The following CNNM3 variants were observed in gnomAD, a reference collection of about 807,000 sequenced individuals.
The protein encoded by CNNM3 is metal transporter CNNM3.
CNNM3 carries 47 observed loss-of-function variants against 57.1 expected under a neutral mutation model. The observed-to-expected ratio is 0.82, with a 90% CI of 0.65 to 1.05. The LOEUF is 1.05. CNNM3 is among the 50% of genes least tolerant of loss of function. The pLI, the probability that CNNM3 is intolerant of heterozygous loss-of-function variation, is 0.00. For missense variants in CNNM3, 957 were observed against 973.7 expected (o/e 0.98, Z 0.23); for synonymous variants, 507 against 478.2 (o/e 1.06, Z -0.79).
rs2079634388 is a variant in CNNM3 at position 96,833,137 on chromosome 2, C to T, written c.*521C>T. 3.0e-6 allele frequency: 2 copies of T among 659,214 alleles called. No homozygotes were observed. The highest frequency in any genetic ancestry group is 3.3e-5 in the South Asian group (2 of 60,318). The allele number at this position is 659,214 out of a possible 1,614,324, so 40.8% of individuals were successfully genotyped here. ...TTGTCCATGTTGTCCTTTCTGGCTT[C>T]CCTGATGGTGTCATGTTTCAGCGCA... On this transcript the variant is annotated 3_prime_UTR_variant, in exon 8 of 8. Coordinates refer to ENST00000305510, the MANE Select transcript of CNNM3 (RefSeq NM_017623.5).
chr2:96,819,612 AG>A (rs1045365138), intron 1 of CNNM3, among the ~76,000 whole-genome samples: 1 of 151,966 alleles, frequency 6.6e-6, no homozygotes, highest in African/African-American at 2.4e-5. Context: ...CCTTTTTTTT[AG>A]GGAAAAAGTG....
chr2:96,823,849 G>A (rs1046128441), intron 1 of CNNM3, among the ~76,000 whole-genome samples: 18 of 152,274 alleles, frequency 1.2e-4, no homozygotes, highest in South Asian at 6.2e-4. Context: ...CGCCCAGGCC[G>A]GCAGCCCCCT....
chr2:96,828,822 T>G (rs2079554602), intron 6 of CNNM3, 122 bp downstream of exon 6: 1 of 1,488,374 alleles, frequency 6.7e-7, no homozygotes, highest in Non-Finnish European at 9.2e-7. Context: ...GACACAGACC[T>G]TTGCACCCAG....
rs1264058724 is a variant in CNNM3 at position 96,832,849 on chromosome 2, C to T, written c.*233C>T. ...AGTCACCAGGGCACAGCCCTCCAGG[C>T]CCGCCTCAGGAAGGAATGAAAGGAA... On this transcript the variant is annotated 3_prime_UTR_variant, in exon 8 of 8. Coordinates refer to ENST00000305510, the MANE Select transcript of CNNM3 (RefSeq NM_017623.5). 6.6e-7 allele frequency: 1 copy of T among 1,510,902 alleles called. No individual in the cohort carries two copies. Among genetic ancestry groups the T allele is most frequent in the Non-Finnish European group, 8.8e-7 (1 of 1,131,372 alleles). The allele number at this position is 1,510,902 out of a possible 1,614,324, so 93.6% of individuals were successfully genotyped here.
downstream of CNNM3, among the ~76,000 whole-genome samples, chr2:96,835,850 A>G (rs182419176): frequency 5.9e-5 from 9 of 152,126 alleles, no homozygotes; most frequent in Admixed American, 2.0e-4. Flanking sequence ...TGGTGTCCAC[A>G]TGTTTTTACT....
rs1201224798 is a variant in CNNM3 at position 96,827,621 on chromosome 2, C to T, written c.1520-110C>T. 2.3e-5 allele frequency: 26 copies of T among 1,142,526 alleles called. No individual in the cohort carries two copies. In the Middle Eastern group the frequency reaches 8.7e-4, roughly 38 times the overall value. The allele number at this position is 1,142,526 out of a possible 1,614,324, so 70.8% of individuals were successfully genotyped here. Reference sequence around the variant, plus strand: ...TAGGGGCAGCTGCTCACAGGCCACCCGGGAGATCCCTGGTGGGCACAATAA... The same window carrying T: ...TAGGGGCAGCTGCTCACAGGCCACCTGGGAGATCCCTGGTGGGCACAATAA... On this transcript the variant is annotated intron_variant, in intron 3 of 7. Coordinates refer to ENST00000305510, the MANE Select transcript of CNNM3 (RefSeq NM_017623.5).
Position 96,832,910 on chromosome 2 carries a change from C to G in CNNM3, c.*294C>G, listed in dbSNP as rs1351573486. 4.8e-6 allele frequency: 7 copies of G among 1,449,874 alleles called. No individual in the cohort carries two copies. The Admixed American group carries it at 1.5e-4, about 30-fold the overall frequency. 89.8% of individuals were successfully genotyped at this position (1,449,874 alleles called of 1,614,324 possible). A position where few individuals can be genotyped will look rare whatever the true frequency, so the allele number is the denominator to read the frequency against. ...TCTAGTTCCCAGGGCCCAGCCTTCC[C>G]CTTCTCCCCCGGGGCAGGGACAGTG... is the stretch of plus-strand genomic sequence containing the variant. On this transcript the variant is annotated 3_prime_UTR_variant, in exon 8 of 8. Transcript: ENST00000305510.
At chr2:96,817,539 G>A in intron 1 of CNNM3, 37 bp downstream of exon 1, 1 of 1,565,344 alleles carries the variant, frequency 6.4e-7, no homozygotes, top group South Asian at 1.2e-5. Context: ...ACGCCCGTGC[G>A]AGTGCCCTCT....
At chr2:96,836,840 A>AAAAT (rs147025537), downstream of CNNM3, 1 of 152,182 alleles carries the variant, frequency 6.6e-6, no homozygotes, top group Non-Finnish European at 1.5e-5. Flanking sequence ...GTTTTTTCCT[A>AAAAT]AAAGAAGTTT....
rs1393920052 is a variant in CNNM3 at position 96,832,901 on chromosome 2, C to G, written c.*285C>G. On this transcript the variant is annotated 3_prime_UTR_variant, in exon 8 of 8. Transcript: ENST00000305510. ...GCCATCATCTCTAGTTCCCAGGGCC[C>G]AGCCTTCCCCTTCTCCCCCGGGGCA... The G allele has an allele frequency of 2.1e-6, 3 of 1,462,266 alleles. No homozygotes were observed. The South Asian group carries it at 3.6e-5, about 18-fold the overall frequency. The allele number at this position is 1,462,266 out of a possible 1,614,324, so 90.6% of individuals were successfully genotyped here.
intron 7 of CNNM3, chr2:96,831,936 T>G (rs1248612666): frequency 2.3e-5 from 22 of 970,596 alleles, no homozygotes; most frequent in Admixed American, 6.1e-5. Context: ...GCTCAATAGC[T>G]TCTCCTCTTC....
At chr2:96,827,628 T>TC in intron 3 of CNNM3, 103 bp from the exon 4 acceptor site, 1 of 1,226,656 alleles carries the variant, frequency 8.2e-7, no homozygotes, top group Non-Finnish European at 1.2e-6. Context: ...ACCCGGGAGA[T>TC]CCCTGGTGGG....
At chr2:96,817,584 T>G in intron 1 of CNNM3, 82 bp downstream of exon 1, 4 of 1,389,708 alleles carry the variant, frequency 2.9e-6, no homozygotes, top group Non-Finnish European at 1.0e-6. Flanking sequence ...GGAAGCCTTC[T>G]GGAAAGGGTC....
intron 7 of CNNM3, chr2:96,832,061 C>T: frequency 1.0e-6 from 1 of 990,442 alleles, no homozygotes; most frequent in Non-Finnish European, 1.2e-6. Flanking sequence ...TTTCAGAGCA[C>T]ACGTAAGGTA....
In CNNM3 at chr2:96,816,285, C is replaced by T. The variant is rs1220615457; in HGVS notation, c.8C>T (p.Ala3Val). 1 of 1,304,858 alleles carries T rather than the reference C, an allele frequency of 7.7e-7. No individual in the cohort carries two copies. Among genetic ancestry groups the T allele is most frequent in the Non-Finnish European group, 9.7e-7 (1 of 1,028,672 alleles). The allele number at this position is 1,304,858 out of a possible 1,614,324, so 80.8% of individuals were successfully genotyped here. Residue 3 changes from alanine (A) to valine (V), a missense_variant, in exon 1 of 8, where the codon GCG becomes GTG. Ala to Val is a moderately conservative substitution (Grantham distance 64, BLOSUM62 0). Transcript: ENST00000305510. ...GAGAGGGGGCAGCAGGCGATGGCGG[C>T]GGCGGTAGCTGCGGCGGGTCGGTTA... is the stretch of plus-strand genomic sequence containing the variant. The part of the protein sequence containing the change: MA[A>V]AVAAAGRLGW...
downstream of CNNM3, among the ~76,000 whole-genome samples, chr2:96,836,089 T>C (rs528984097): frequency 0.013 from 1,139 of 91,106 alleles, 15 homozygotes; most frequent in African/African-American, 0.078. Context: ...CCTCCCCCCC[T>C]TTTTTTTTTC....
intron 7 of CNNM3, among the ~76,000 whole-genome samples, chr2:96,830,578 C>T (rs2079585060): frequency 6.6e-6 from 1 of 152,202 alleles, no homozygotes; most frequent in African/African-American, 2.4e-5. Flanking sequence ...ATGCTTCAGC[C>T]CCTGTGGGCT....
chr2:96,825,278 G>T, intron 2 of CNNM3, 77 bp downstream of exon 2: 1 of 1,521,162 alleles, frequency 6.6e-7, no homozygotes, highest in South Asian at 1.2e-5. Context: ...TCAGAGGCCA[G>T]TGGGCCTCTG....
chr2:96,822,390 C>T (rs571311277), intron 1 of CNNM3, among the ~76,000 whole-genome samples: 1 of 152,164 alleles, frequency 6.6e-6, no homozygotes, highest in East Asian at 1.9e-4. Context: ...CTCACTGTAG[C>T]CTCTACCTCC....
Sources: gnomAD v4.1 joint callset for allele counts (sites outside exome capture counted in the v4.1 genomes callset) on GRCh38, gnomAD v4.1.1 for gene constraint, MANE v1.5 for transcripts, NCBI Gene and HGNC (gene_info 2026-07-23, HGNC 2026-07-21) for gene names.